Variants in FAT3 observed in about 807,000 individuals in gnomAD.
FAT3 encodes FAT atypical cadherin 3.
FAT3 carries 95 observed loss-of-function variants against 310.2 expected under a neutral mutation model. The observed-to-expected ratio is 0.31, with a 90% confidence interval of 0.26 to 0.36. The LOEUF (loss-of-function observed/expected upper bound fraction) is 0.36. Ranked by LOEUF, FAT3 falls within the 10% of genes least tolerant of loss-of-function variation. FAT3 has a pLI of 1.00. For missense variants in FAT3, 5,408 were observed against 5,715.6 expected (o/e 0.95, Z 1.74); for synonymous variants, 2,314 against 2,192.9 (o/e 1.06, Z -1.54).
At chr11:92,837,930 G>A in intron 17 of FAT3, 124 bp downstream of exon 17, 2 of 1,205,878 alleles carry the variant, frequency 1.7e-6, no homozygotes, top group African/African-American at 1.5e-5. Flanking sequence ...TCATAGGGCA[G>A]GTATGAAAAA....
chr11:92,565,337 G>A (rs1181424091), intron 3 of FAT3, among the ~76,000 whole-genome samples: 2 of 142,686 alleles, frequency 1.4e-5, no homozygotes, highest in East Asian at 4.3e-4. Context: ...ACTAAACCAG[G>A]AAGAAGTTGC....
intron 13 of FAT3, among the ~76,000 whole-genome samples, chr11:92,821,657 G>C (rs546690850): frequency 1.3e-5 from 2 of 152,150 alleles, no homozygotes; most frequent in African/African-American, 4.8e-5. Flanking sequence ...TCTCTAGAAA[G>C]CTCCAAAAAC....
intron 4 of FAT3, among the ~76,000 whole-genome samples, chr11:92,725,096 T>A (rs940502179): frequency 3.3e-5 from 5 of 152,122 alleles, no homozygotes; most frequent in Non-Finnish European, 7.3e-5. Flanking sequence ...AAGAAATTTA[T>A]AAAATTCAAC....
rs763131522 is a variant in FAT3, at chr11:92,354,153, T to G, written c.2041T>G (p.Phe681Val). 1 of 1,613,854 alleles carries G rather than the reference T, an allele frequency of 6.2e-7. No homozygotes were observed. The highest frequency in any genetic ancestry group is 8.5e-7 in the Non-Finnish European group (1 of 1,179,844). ...ACATGGGAAAGTGTCTTCAAAGAGC[T>G]TCAGTTGCAGAGAAACTCGTGTGGC... is the stretch of plus-strand genomic sequence containing the variant. The part of the protein sequence containing the change: ...VLHGKVSSKS[F>V]SCRETRVAQK... The change falls in exon 2 of 28, where the codon TTC becomes GTC. Residue 681 changes from phenylalanine to valine, a missense_variant. Coordinates refer to ENST00000525166, the MANE Select transcript of FAT3 (RefSeq NM_001367949.2).
chr11:92,747,533 G>A (rs1429135869), intron 4 of FAT3, among the ~76,000 whole-genome samples: 1 of 152,230 alleles, frequency 6.6e-6, no homozygotes, highest in Non-Finnish European at 1.5e-5. Context: ...TTTTCCCATT[G>A]TCTTGGTGAT....
Position 92,800,319 on chromosome 11 carries a change from G to A in FAT3, c.7306G>A (p.Gly2436Arg). 3 of 1,613,950 alleles carry A rather than the reference G, an allele frequency of 1.9e-6. No homozygotes were observed. The highest frequency in any genetic ancestry group is 1.7e-6 in the Non-Finnish European group (2 of 1,179,840). Residue 2436 changes from glycine (G) to arginine (R), a missense_variant, in exon 10 of 28, where the codon GGG (glycine) becomes AGG (arginine). This residue lies in a region of FAT3 where 4,588 missense variants were observed against 4,809.8 expected (regional missense o/e 0.95). Coordinates refer to ENST00000525166, the MANE Select transcript of FAT3 (RefSeq NM_001367949.2). ...CCGGTTGGAATATAGCATTTTATCT[G>A]GGAATGACCGGACGAGCTTTCTGAT... ...FDRLEYSILS[G>R]NDRTSFLMDS...
intron 1 of FAT3, among the ~76,000 whole-genome samples, chr11:92,266,899 G>T (rs544418619): frequency 1.3e-5 from 2 of 152,172 alleles, no homozygotes; most frequent in South Asian, 4.1e-4. Context: ...GTTAACTCTG[G>T]CATATCACCC....
At chr11:92,420,694 C>G (rs1387370460) in intron 2 of FAT3, among the ~76,000 whole-genome samples, 1 of 152,102 alleles carries the variant, frequency 6.6e-6, no homozygotes, top group Non-Finnish European at 1.5e-5. Flanking sequence ...GTAAATCTTT[C>G]TTGCCTTTCC....
chr11:92,806,319 A>G, intron 11 of FAT3, 43 bp from the exon 12 acceptor site: 1 of 1,542,162 alleles, frequency 6.5e-7, no homozygotes. Context: ...AATTGCCCCC[A>G]CAAATACTAA....
At chr11:92,348,103 A>G (rs1948463867) in intron 1 of FAT3, among the ~76,000 whole-genome samples, 1 of 152,064 alleles carries the variant, frequency 6.6e-6, no homozygotes. Flanking sequence ...GGAAAACTGC[A>G]AGGCTTTTTA....
intron 3 of FAT3, among the ~76,000 whole-genome samples, chr11:92,561,152 A>C (rs1360860758): frequency 3.9e-5 from 6 of 152,162 alleles, no homozygotes; most frequent in Admixed American, 3.9e-4. Flanking sequence ...TCCAAATTTC[A>C]GACATTTTTG....
chr11:92,360,708 A>G (rs766254835), intron 2 of FAT3, among the ~76,000 whole-genome samples: 8 of 152,212 alleles, frequency 5.3e-5, no homozygotes, highest in Admixed American at 2.0e-4. Context: ...TTGGGAAGAT[A>G]TTTTGCCATC....
At chr11:92,589,475 G>A (rs1452143575) in intron 3 of FAT3, among the ~76,000 whole-genome samples, 1 of 152,066 alleles carries the variant, frequency 6.6e-6, no homozygotes, top group Non-Finnish European at 1.5e-5. Flanking sequence ...CTTCAAGTAT[G>A]AAGAAATAGA....
At chr11:92,529,408 A>G (rs1359382270) in intron 3 of FAT3, among the ~76,000 whole-genome samples, 1 of 152,226 alleles carries the variant, frequency 6.6e-6, no homozygotes, top group Non-Finnish European at 1.5e-5. Context: ...TGATATTATT[A>G]GAAAGCGAAT....
intron 4 of FAT3, among the ~76,000 whole-genome samples, chr11:92,741,695 A>C (rs545750781): frequency 4.6e-5 from 7 of 152,188 alleles, no homozygotes; most frequent in Non-Finnish European, 1.0e-4. Context: ...GAAGTAATTA[A>C]AATACTTTAT....
chr11:92,872,328 G>A (rs1323397786), intron 22 of FAT3, among the ~76,000 whole-genome samples: 2 of 152,192 alleles, frequency 1.3e-5, no homozygotes, highest in African/African-American at 4.8e-5. Context: ...GGATGCCACT[G>A]GTGTGGCCTC....
chr11:92,366,294 T>C (rs116167289), intron 2 of FAT3, among the ~76,000 whole-genome samples: 1,718 of 152,242 alleles, frequency 0.011, 37 homozygotes, highest in African/African-American at 0.04. Context: ...CCTAGAAGCA[T>C]TATTCTGACT....
intron 3 of FAT3, among the ~76,000 whole-genome samples, chr11:92,579,340 T>C (rs1009212817): frequency 1.3e-5 from 2 of 151,976 alleles, no homozygotes. Flanking sequence ...GAAAAGAAAT[T>C]GGTTTAAATT....
chr11:92,794,664 A>T (rs771413566), intron 9 of FAT3, among the ~76,000 whole-genome samples: 6 of 152,226 alleles, frequency 3.9e-5, no homozygotes, highest in Non-Finnish European at 8.8e-5. Flanking sequence ...AAAACAAGAC[A>T]GAACAGTTAT....
Sources: gnomAD v4.1 joint callset for allele counts (sites outside exome capture counted in the v4.1 genomes callset) on GRCh38, gnomAD v4.1.1 for gene constraint, gnomAD v4.1.1 regional missense constraint, MANE v1.5 for transcripts, NCBI Gene and HGNC (gene_info 2026-07-23, HGNC 2026-07-21) for gene names.